Variants in EPB41 observed in about 807,000 individuals in gnomAD.
EPB41 encodes protein 4.1.
In EPB41, 65 loss-of-function variants were observed where a neutral mutation model predicts 108.0. The ratio of observed to expected loss-of-function variants is 0.60; its 90% CI spans 0.49 to 0.74. EPB41 has a LOEUF of 0.74. Ranked by LOEUF, EPB41 falls within the 30% of genes least tolerant of loss-of-function variation. EPB41 has a pLI of 0.00. For missense variants in EPB41, 875 were observed against 1,037.0 expected (o/e 0.84, Z 2.15); for synonymous variants, 336 against 358.9 (o/e 0.94, Z 0.72).
chr1:28,940,142 C>G (rs573353623), intron 1 of EPB41, among the ~76,000 whole-genome samples: 1 of 152,222 alleles, frequency 6.6e-6, no homozygotes, highest in East Asian at 1.9e-4. Flanking sequence ...GCTTTGTAGC[C>G]AAACTACCAG....
At chr1:29,037,283 C>T (rs774265396) in intron 10 of EPB41, among the ~76,000 whole-genome samples, 91 of 150,498 alleles carry the variant, frequency 6.0e-4, no homozygotes, top group Non-Finnish European at 1.1e-3. Context: ...AGTTTCACTA[C>T]GTTGACCAGG....
chr1:29,047,459 G>A (rs1392456483), intron 11 of EPB41, among the ~76,000 whole-genome samples: 2 of 135,332 alleles, frequency 1.5e-5, no homozygotes, highest in African/African-American at 2.8e-5. Context: ...TTACTGTGTT[G>A]CCCAGGCTGA....
intron 4 of EPB41, among the ~76,000 whole-genome samples, chr1:28,999,941 G>A (rs543337381): frequency 6.6e-6 from 1 of 152,142 alleles, no homozygotes; most frequent in South Asian, 2.1e-4. Context: ...GCACCACCAT[G>A]CTTGGCCAAT....
chr1:28,996,250 A>G (rs1168752878), intron 3 of EPB41, among the ~76,000 whole-genome samples: 1 of 152,196 alleles, frequency 6.6e-6, no homozygotes, highest in South Asian at 2.1e-4. Flanking sequence ...CTTCCTATAA[A>G]TAGGAGTAAA....
chr1:29,027,584 G>A lies in EPB41; in HGVS notation c.1125-2816G>A, dbSNP rs537341461. On this transcript the variant is annotated intron_variant, in intron 7 of 20. Transcript: ENST00000343067. ...AACCTCAGGTGATCCGCCCACCTCG[G>A]CCTCCCAAAGTGCTGGGATTATAGG... Among the ~76,000 whole-genome samples the A allele has an allele frequency of 4.6e-5, 7 of 152,032 alleles. No homozygotes were observed. The East Asian group carries it at 1.2e-3, about 25-fold the overall frequency.
intron 1 of EPB41, among the ~76,000 whole-genome samples, chr1:28,892,934 G>A (rs553296255): frequency 6.6e-6 from 1 of 151,184 alleles, no homozygotes; most frequent in East Asian, 2.0e-4. Context: ...CTCCTGAGTA[G>A]CTGGGATTAT....
At chr1:28,901,690 C>T (rs554082027) in intron 1 of EPB41, among the ~76,000 whole-genome samples, 14 of 152,020 alleles carry the variant, frequency 9.2e-5, no homozygotes, top group Non-Finnish European at 1.5e-4. Context: ...CCCGCCACCA[C>T]GCCCATCTAA....
intron 8 of EPB41, among the ~76,000 whole-genome samples, chr1:29,030,865 C>T (rs2150284150): frequency 6.6e-6 from 1 of 152,054 alleles, no homozygotes; most frequent in South Asian, 2.1e-4. Flanking sequence ...CTCTGTCTCC[C>T]AGGCTGGAGT....
intron 17 of EPB41, among the ~76,000 whole-genome samples, chr1:29,099,413 C>A (rs1338317961): frequency 6.6e-6 from 1 of 152,058 alleles, no homozygotes; most frequent in Non-Finnish European, 1.5e-5. Flanking sequence ...GCAGCCTAGA[C>A]CTCCCAGGCT....
At chr1:29,031,100 TGCCCG>T (rs1158644605) in intron 8 of EPB41, among the ~76,000 whole-genome samples, 7 of 152,138 alleles carry the variant, frequency 4.6e-5, no homozygotes, top group Non-Finnish European at 7.4e-5. Context: ...TGAGCCACCG[TGCCCG>T]GCCTCTTGTT....
At chr1:29,049,043 T>G (rs1363754676) in intron 11 of EPB41, among the ~76,000 whole-genome samples, 1 of 152,118 alleles carries the variant, frequency 6.6e-6, no homozygotes, top group African/African-American at 2.4e-5. Flanking sequence ...CAGGGAAACT[T>G]TTACAAGAAT....
intron 1 of EPB41, among the ~76,000 whole-genome samples, chr1:28,971,993 C>T (rs2149316171): frequency 6.6e-6 from 1 of 152,218 alleles, no homozygotes; most frequent in African/African-American, 2.4e-5. Context: ...CCTCCGCGCT[C>T]AGCTGATCCT....
chr1:29,009,537 C>A (rs2096464976), intron 4 of EPB41, among the ~76,000 whole-genome samples: 1 of 152,056 alleles, frequency 6.6e-6, no homozygotes, highest in African/African-American at 2.4e-5. Flanking sequence ...CATGAGTCTT[C>A]TATGGTAAGA....
chr1:29,026,847 A>C (rs369749510), intron 7 of EPB41, among the ~76,000 whole-genome samples: 1 of 149,750 alleles, frequency 6.7e-6, no homozygotes, highest in Non-Finnish European at 1.5e-5. Context: ...TAATCCCAGC[A>C]CTTTGGGAGG....
At chr1:28,960,564 A>AG (rs1348454658) in intron 1 of EPB41, among the ~76,000 whole-genome samples, 8 of 100,680 alleles carry the variant, frequency 7.9e-5, no homozygotes, top group Non-Finnish European at 8.0e-5. Flanking sequence ...TCGTCTCTAC[A>AG]AAAAAAAAAA....
chr1:28,932,498 C>A lies in EPB41; in HGVS notation c.-8+17730C>A, dbSNP rs568159534. On this transcript the variant is annotated intron_variant, in intron 1 of 20. Transcript: ENST00000343067. The stretch of plus-strand genomic sequence containing the variant: ...TTTTTTTTTTTATGCTTCTCTCCTA[C>A]CTCCTTTAAAAAAAAAAAGCAGATA... Among the ~76,000 whole-genome samples, 625 of 149,698 alleles carry A rather than the reference C, an allele frequency of 4.2e-3. 5 individuals carry two copies. The highest frequency in any genetic ancestry group is 0.015 in the African/African-American group (593 of 40,838).
chr1:28,980,647 G>T (rs2095715803), intron 1 of EPB41, among the ~76,000 whole-genome samples: 1 of 152,038 alleles, frequency 6.6e-6, no homozygotes, highest in Non-Finnish European at 1.5e-5. Flanking sequence ...AGCCCAGGAA[G>T]TTGAGGTTGA....
chr1:29,096,448 A>C (rs568286302), intron 16 of EPB41: 8 of 985,940 alleles, frequency 8.1e-6, no homozygotes, highest in Admixed American at 6.1e-5. Flanking sequence ...TAAAGTTCTC[A>C]GTAACACCAG....
intron 9 of EPB41, 133 bp from the exon 10 acceptor site, chr1:29,035,693 G>T: frequency 3.0e-6 from 2 of 677,556 alleles, no homozygotes; most frequent in Non-Finnish European, 4.9e-6. Context: ...AATTCCAAAT[G>T]ACATTTTATG....
Sources: allele counts gnomAD v4.1 joint callset (sites outside exome capture counted in the v4.1 genomes callset), GRCh38; gene constraint gnomAD v4.1.1; transcripts MANE v1.5; gene names NCBI Gene and HGNC (gene_info 2026-07-23, HGNC 2026-07-21).